Variants in SPMIP2 observed in about 807,000 individuals in gnomAD.
The protein encoded by SPMIP2 is protein SPMIP2.
At chr4:158,929,435 A>AT in the SPMIP2 span, among the ~76,000 whole-genome samples, 3 of 152,276 alleles carry the variant, frequency 2.0e-5, no homozygotes, top group African/African-American at 7.2e-5. Context: ...AGTCTTAAAT[A>AT]TTTTTTGTTT....
chr4:158,992,171 A>G, the SPMIP2 span, among the ~76,000 whole-genome samples: 42,977 of 152,212 alleles, frequency 0.28, 6,595 homozygotes, highest in South Asian at 0.41. Flanking sequence ...TACAGACATG[A>G]GCCACTGTGT....
chr4:159,007,121 T>G, the SPMIP2 span: 18 of 635,852 alleles, frequency 2.8e-5, no homozygotes, highest in Non-Finnish European at 5.3e-5. Flanking sequence ...AAGCAGCATA[T>G]GGCCAAGCCG....
chr4:159,059,340 A>G, the SPMIP2 span, among the ~76,000 whole-genome samples: 1 of 152,232 alleles, frequency 6.6e-6, no homozygotes, highest in African/African-American at 2.4e-5. Flanking sequence ...AAATATTTTT[A>G]ATGTACTATA....
chr4:158,985,611 T>C, the SPMIP2 span, among the ~76,000 whole-genome samples: 1 of 152,156 alleles, frequency 6.6e-6, no homozygotes, highest in African/African-American at 2.4e-5. Context: ...TCTCAATAAA[T>C]TAGGTATTGA....
the SPMIP2 span, among the ~76,000 whole-genome samples, chr4:158,935,771 T>G: frequency 2.4e-4 from 37 of 152,254 alleles, no homozygotes; most frequent in Admixed American, 2.4e-3. Context: ...CAGCCTTCAG[T>G]GAGGAAAGGA....
At chr4:159,071,884 G>A in the SPMIP2 span, among the ~76,000 whole-genome samples, 1 of 152,198 alleles carries the variant, frequency 6.6e-6, no homozygotes, top group African/African-American at 2.4e-5. Flanking sequence ...AGAGTTCTTT[G>A]GTTCAGCTGC....
the SPMIP2 span, among the ~76,000 whole-genome samples, chr4:159,048,594 G>T: frequency 6.6e-6 from 1 of 151,902 alleles, no homozygotes; most frequent in Non-Finnish European, 1.5e-5. Context: ...GGGAGGGGAC[G>T]CTTTGCACGG....
At chr4:159,001,835 A>G in the SPMIP2 span, among the ~76,000 whole-genome samples, 5 of 152,152 alleles carry the variant, frequency 3.3e-5, no homozygotes, top group African/African-American at 1.2e-4. Context: ...ATGATACACT[A>G]ATTTACATTC....
At chr4:159,041,104 T>C in the SPMIP2 span, among the ~76,000 whole-genome samples, 1 of 152,230 alleles carries the variant, frequency 6.6e-6, no homozygotes, top group East Asian at 1.9e-4. Flanking sequence ...ATAACTTTAC[T>C]TTTTGTATTT....
chr4:158,937,198 G>A, the SPMIP2 span, among the ~76,000 whole-genome samples: 1 of 152,172 alleles, frequency 6.6e-6, no homozygotes, highest in Non-Finnish European at 1.5e-5. Flanking sequence ...TCCTCTGGGA[G>A]AACACTTATT....
chr4:159,047,285 A>C, the SPMIP2 span, among the ~76,000 whole-genome samples: 12 of 152,222 alleles, frequency 7.9e-5, no homozygotes, highest in African/African-American at 2.9e-4. Context: ...AAGTTACTTA[A>C]TCCTAACAGA....
the SPMIP2 span, among the ~76,000 whole-genome samples, chr4:158,925,805 A>T: frequency 6.6e-6 from 1 of 152,214 alleles, no homozygotes; most frequent in Admixed American, 6.5e-5. Context: ...GACTGCAGTA[A>T]CAAAATACCA....
At chr4:158,904,820 A>G in the SPMIP2 span, 6 of 404,328 alleles carry the variant, frequency 1.5e-5, no homozygotes, top group African/African-American at 6.0e-5. Flanking sequence ...GAGGAAACAT[A>G]AGCACTAAAC....
chr4:158,943,858 C>CTTTTTTTTTTTTTTTT, the SPMIP2 span, among the ~76,000 whole-genome samples: 1 of 101,932 alleles, frequency 9.8e-6, no homozygotes, highest in Non-Finnish European at 1.8e-5. Context: ...TTGACATTTT[C>CTTTTTTTTTTTTTTTT]TTTTTTTTTT....
chr4:158,916,170 C>T, the SPMIP2 span, among the ~76,000 whole-genome samples: 2 of 152,182 alleles, frequency 1.3e-5, no homozygotes, highest in African/African-American at 2.4e-5. Flanking sequence ...ATGGCTGGCA[C>T]AGTACAAGGC....
chr4:158,972,615 C>T, the SPMIP2 span, among the ~76,000 whole-genome samples: 1 of 152,154 alleles, frequency 6.6e-6, no homozygotes, highest in Admixed American at 6.6e-5. Context: ...GTTTCTAAAA[C>T]CCTCTGACAA....
chr4:158,992,248 G>A, the SPMIP2 span, among the ~76,000 whole-genome samples: 1 of 152,220 alleles, frequency 6.6e-6, no homozygotes, highest in South Asian at 2.1e-4. Context: ...CACCATGAAG[G>A]TGGTGGTGTG....
the SPMIP2 span, chr4:159,007,177 T>C: frequency 9.4e-7 from 1 of 1,062,168 alleles, no homozygotes; most frequent in Non-Finnish European, 1.4e-6. Context: ...GGTGGAGATC[T>C]TCAGGCAGAA....
chr4:159,017,477 T>A, the SPMIP2 span, among the ~76,000 whole-genome samples: 5 of 151,996 alleles, frequency 3.3e-5, no homozygotes, highest in African/African-American at 1.2e-4. Flanking sequence ...GAGTCTCACT[T>A]CATTGCCCAA....
Sources: gnomAD v4.1 joint callset for allele counts (sites outside exome capture counted in the v4.1 genomes callset) on GRCh38, gnomAD v4.1.1 for gene constraint, MANE v1.5 for transcripts, NCBI Gene and HGNC (gene_info 2026-07-23, HGNC 2026-07-21) for gene names.